The following CEACAM18 variants were observed in gnomAD, a reference collection of about 807,000 sequenced individuals.
The protein encoded by CEACAM18 is CEA cell adhesion molecule 18.
Under a neutral mutation model 34.3 loss-of-function variants are expected in CEACAM18, and 33 were observed. The ratio of observed to expected loss-of-function variants is 0.96; its 90% CI spans 0.73 to 1.29. The LOEUF (loss-of-function observed/expected upper bound fraction) is 1.29. Among genes scored for constraint, CEACAM18 ranks in the 50% most tolerant of loss-of-function variants. CEACAM18 has a pLI of 0.00. For missense variants in CEACAM18, 474 were observed against 485.0 expected, an observed-to-expected ratio of 0.98 and a Z score of 0.21; for synonymous variants, 169 against 180.9, an observed-to-expected ratio of 0.93 and a Z score of 0.53.
Position 51,484,732 on chromosome 19 carries a change from A to T in CEACAM18, c.954-255A>T, listed in dbSNP as rs192326450. On this transcript the variant is annotated intron_variant, in intron 4 of 5. Transcript: ENST00000396477. ...TATGAGGGTTTATTCTTCTCTATTC[A>T]CTTATGGTTGCTTGCAGTGTGAGAC... Among the ~76,000 whole-genome samples the T allele has an allele frequency of 3.4e-3, 351 of 101,852 alleles. 3 individuals are homozygous for T. Among genetic ancestry groups the T allele is most frequent in the African/African-American group, 0.01 (336 of 32,274 alleles). The allele number at this position is 101,852 out of a possible 152,430, so 66.8% of individuals were successfully genotyped here.
chr19:51,482,906 G>T, intron 3 of CEACAM18, 111 bp from the exon 4 acceptor site: 1 of 1,285,668 alleles, frequency 7.8e-7, no homozygotes, highest in South Asian at 1.3e-5. Flanking sequence ...GCAGGTCTAG[G>T]GGTTAGCCCG....
exon 3 of CEACAM18, chr19:51,481,623 G>A: frequency 1.2e-6 from 2 of 1,613,834 alleles, no homozygotes; most frequent in Non-Finnish European, 8.5e-7. Flanking sequence ...GAGTTTCCCA[G>A]AGATCTTTCA....
At chr19:51,490,814 G>A (rs1178166398) in exon 6 of CEACAM18, 1 of 401,050 alleles carries the variant, frequency 2.5e-6, no homozygotes. Context: ...CCCCACCCGG[G>A]ACCTGAAGAT....
intron 5 of CEACAM18, among the ~76,000 whole-genome samples, chr19:51,489,045 T>C (rs1990047024): frequency 1.3e-5 from 2 of 151,484 alleles, no homozygotes; most frequent in Non-Finnish European, 2.9e-5. Flanking sequence ...CTGCTTCCAC[T>C]CGAATTTCTT....
chr19:51,484,918 G>T, intron 4 of CEACAM18, 69 bp from the exon 5 acceptor site: 1 of 1,513,850 alleles, frequency 6.6e-7, no homozygotes, highest in Non-Finnish European at 8.9e-7. Context: ...ATGTGGGTGG[G>T]TGAAGAGATG....
intron 1 of CEACAM18, among the ~76,000 whole-genome samples, chr19:51,479,102 C>A (rs1479387476): frequency 1.3e-5 from 2 of 152,154 alleles, no homozygotes; most frequent in Non-Finnish European, 2.9e-5. Flanking sequence ...TCCCCTCCCC[C>A]ACCTCTCAGG....
intron 5 of CEACAM18, among the ~76,000 whole-genome samples, chr19:51,490,133 C>T (rs1990067286): frequency 1.3e-5 from 2 of 152,200 alleles, no homozygotes; most frequent in African/African-American, 2.4e-5. Context: ...AGTAACATCA[C>T]CTCTCTGGAC....
intron 1 of CEACAM18, among the ~76,000 whole-genome samples, chr19:51,479,415 AC>A (rs1468728893): frequency 6.6e-6 from 1 of 152,118 alleles, no homozygotes; most frequent in Non-Finnish European, 1.5e-5. Flanking sequence ...AGTATTTCTC[AC>A]CCAGACAATC....
At chr19:51,482,083 C>T (rs529116744) in intron 3 of CEACAM18, among the ~76,000 whole-genome samples, 1 of 152,266 alleles carries the variant, frequency 6.6e-6, no homozygotes, top group African/African-American at 2.4e-5. Context: ...TAGTCCCTGT[C>T]ACTCTCTTTC....
intron 5 of CEACAM18, among the ~76,000 whole-genome samples, chr19:51,488,113 G>T (rs993507448): frequency 6.6e-6 from 1 of 152,150 alleles, no homozygotes. Flanking sequence ...CCAACCCCAG[G>T]AACTATGCTG....
intron 4 of CEACAM18, among the ~76,000 whole-genome samples, 187 bp from the exon 5 acceptor site, chr19:51,484,800 T>A (rs906968804): frequency 2.1e-4 from 32 of 152,226 alleles, no homozygotes; most frequent in Non-Finnish European, 4.3e-4. Context: ...CCAGCTAGAA[T>A]GTCAGGCCCA....
rs375801444 is a variant in CEACAM18, at chr19:51,483,053, A to T, written c.710A>T (p.Asp237Val). Reference sequence around the variant, plus strand: ...TATGTGCTGCTGAGGAGCAATCCTGATGATTTCAACGGCATTGTGACAGCT... The same window carrying T: ...TATGTGCTGCTGAGGAGCAATCCTGTTGATTTCAACGGCATTGTGACAGCT... Residue 237 changes from aspartate to valine, a missense_variant, in exon 4 of 6, where the codon GAT becomes GTT. Asp to Val is a radical substitution (Grantham distance 152). Coordinates refer to ENST00000396477, the Ensembl canonical transcript of CEACAM18. 25 of 1,613,912 alleles carry T rather than the reference A, an allele frequency of 1.5e-5. No homozygotes were observed. The African/African-American group carries it at 3.1e-4, about 20-fold the overall frequency.
At chr19:51,490,553 G>C in intron 5 of CEACAM18, 34 bp from the exon 6 acceptor site, 1 of 1,232,112 alleles carries the variant, frequency 8.1e-7, no homozygotes, top group East Asian at 3.2e-5. Flanking sequence ...TTAGGGACCT[G>C]AGATGTGGCT....
chr19:51,485,120 C>A (rs1368079091), exon 5 of CEACAM18: 1 of 1,507,358 alleles, frequency 6.6e-7, no homozygotes, highest in South Asian at 1.3e-5. Context: ...ACTACTCAAT[C>A]AGGTGCCCTC....
chr19:51,484,294 T>C (rs913436849), intron 4 of CEACAM18, among the ~76,000 whole-genome samples: 2 of 151,448 alleles, frequency 1.3e-5, no homozygotes, highest in African/African-American at 4.9e-5. Context: ...ACTACAAGAT[T>C]CAGGAGGGCA....
downstream of CEACAM18, chr19:51,491,211 AT>A (rs55774114): frequency 0.2 from 30,127 of 149,048 alleles, 3,185 homozygotes; most frequent in East Asian, 0.45. Flanking sequence ...CAAATATTTA[AT>A]TTTTTTTTTT....
chr19:51,482,062 T>C (rs1989925893), intron 3 of CEACAM18, among the ~76,000 whole-genome samples: 1 of 152,258 alleles, frequency 6.6e-6, no homozygotes, highest in Non-Finnish European at 1.5e-5. Flanking sequence ...TCTTTTCTAC[T>C]AAATTTAGTA....
intron 1 of CEACAM18, 74 bp downstream of exon 1, chr19:51,478,768 G>C: frequency 8.6e-7 from 1 of 1,167,152 alleles, no homozygotes; most frequent in Non-Finnish European, 1.1e-6. Flanking sequence ...CGGCGGGGAG[G>C]GGGCTGGGAC....
intron 4 of CEACAM18, 120 bp from the exon 5 acceptor site, chr19:51,484,866 CT>C (rs1989974556): frequency 8.0e-7 from 1 of 1,247,206 alleles, no homozygotes; most frequent in Non-Finnish European, 1.1e-6. Context: ...TGGAACAGTG[CT>C]TTGCTGATAA....
Sources: allele counts gnomAD v4.1 joint callset (sites outside exome capture counted in the v4.1 genomes callset), GRCh38; gene constraint gnomAD v4.1.1; transcripts MANE v1.5; gene names NCBI Gene and HGNC (gene_info 2026-07-23, HGNC 2026-07-21).